Variants in TBC1D31 observed in about 807,000 individuals in gnomAD.
TBC1D31 encodes TBC1 domain family member 31.
In TBC1D31, 99 loss-of-function variants were observed where a neutral mutation model predicts 132.9. The observed-to-expected ratio is 0.74, with a 90% CI of 0.63 to 0.88. TBC1D31 has a LOEUF of 0.88. Ranked by LOEUF, TBC1D31 falls within the 40% of genes least tolerant of loss-of-function variation. The probability of loss-of-function intolerance (pLI) is 0.00; values close to 1 mark genes in which losing one functional copy is unlikely to be tolerated. For synonymous variants in TBC1D31, 385 were observed against 419.4 expected (o/e 0.92, Z 1.00); for missense variants, 1,134 against 1,256.6 (o/e 0.90, Z 1.48).
intron 6 of TBC1D31, among the ~76,000 whole-genome samples, chr8:123,098,622 T>C (rs1182147865): frequency 6.6e-6 from 1 of 152,252 alleles, no homozygotes; most frequent in Non-Finnish European, 1.5e-5. Context: ...TTGTTCTATA[T>C]CAGTGCAGAA....
At chr8:123,146,570 C>T (rs1340387720) in intron 20 of TBC1D31, among the ~76,000 whole-genome samples, 1 of 151,986 alleles carries the variant, frequency 6.6e-6, no homozygotes, top group East Asian at 1.9e-4. Flanking sequence ...ATTCATCAGT[C>T]GATGGACATC....
At chr8:123,124,344 C>A (rs1586682130) in intron 11 of TBC1D31, among the ~76,000 whole-genome samples, 1 of 152,174 alleles carries the variant, frequency 6.6e-6, no homozygotes, top group Non-Finnish European at 1.5e-5. Context: ...TTAACAAAGA[C>A]TCTCCACACA....
chr8:123,156,759 G>A (rs1032240579), downstream of TBC1D31, among the ~76,000 whole-genome samples: 3 of 152,146 alleles, frequency 2.0e-5, no homozygotes, highest in Non-Finnish European at 4.4e-5. Context: ...TAGGTTCAGT[G>A]CCCACCGCTG....
chr8:123,157,305 C>A, the TBC1D31 span, among the ~76,000 whole-genome samples: 1 of 152,148 alleles, frequency 6.6e-6, no homozygotes, highest in African/African-American at 2.4e-5. Context: ...AACGAGGCAC[C>A]TAGTAAGGGT....
At chr8:123,115,933 TTAG>T in intron 10 of TBC1D31, among the ~76,000 whole-genome samples, 1 of 152,164 alleles carries the variant, frequency 6.6e-6, no homozygotes, top group South Asian at 2.1e-4. Flanking sequence ...ATTACAGGGA[TTAG>T]AGCATGGACA....
chr8:123,084,448 C>G (rs1295380409), intron 4 of TBC1D31, 108 bp downstream of exon 4: 4 of 1,106,128 alleles, frequency 3.6e-6, no homozygotes. Context: ...CCTTGTAGCT[C>G]TGTAACTCAG....
intron 19 of TBC1D31, 148 bp from the exon 20 acceptor site, chr8:123,144,569 C>A (rs1475089721): frequency 2.5e-5 from 19 of 759,888 alleles, no homozygotes; most frequent in Non-Finnish European, 3.6e-5. Context: ...AACACAGGCA[C>A]CCCAGTTACC....
chr8:123,089,997 T>C (rs948206067), intron 4 of TBC1D31, among the ~76,000 whole-genome samples: 4 of 152,228 alleles, frequency 2.6e-5, no homozygotes, highest in Non-Finnish European at 5.9e-5. Context: ...CCCCAAGGGT[T>C]TCAGAAAAGG....
rs78477109 is a variant in TBC1D31 at position 123,102,005 on chromosome 8, C to G, written c.1032+998C>G. Among the ~76,000 whole-genome samples the G allele has an allele frequency of 3.7e-3, 569 of 152,286 alleles. 2 individuals are homozygous for G. The highest frequency in any genetic ancestry group is 0.013 in the African/African-American group (551 of 41,564). Reference sequence around the variant, plus strand: ...TCTCTAATCTTGTCTACCTGTCTAACTTATTTCCTCGAACTTATAGCTTCC... The same window carrying G: ...TCTCTAATCTTGTCTACCTGTCTAAGTTATTTCCTCGAACTTATAGCTTCC... On this transcript the variant is annotated intron_variant, in intron 7 of 21. Coordinates refer to ENST00000287380, the MANE Select transcript of TBC1D31 (RefSeq NM_145647.4).
At chr8:123,157,233 C>A in the TBC1D31 span, among the ~76,000 whole-genome samples, 1 of 152,126 alleles carries the variant, frequency 6.6e-6, no homozygotes, top group East Asian at 1.9e-4. Flanking sequence ...ATTATTGTGC[C>A]CCGTGTGAGG....
chr8:123,092,721 C>T (rs1277337594), intron 4 of TBC1D31, among the ~76,000 whole-genome samples: 2 of 151,900 alleles, frequency 1.3e-5, no homozygotes, highest in African/African-American at 4.8e-5. Context: ...GCAATCTTGA[C>T]TTACTGCAAC....
intron 19 of TBC1D31, among the ~76,000 whole-genome samples, chr8:123,144,312 G>C (rs1367868257): frequency 6.6e-6 from 1 of 152,118 alleles, no homozygotes; most frequent in Non-Finnish European, 1.5e-5. Context: ...CCAGAGCTGG[G>C]CAAAGAGTTC....
At chr8:123,156,235 G>A (rs1822982865), downstream of TBC1D31, among the ~76,000 whole-genome samples, 1 of 152,200 alleles carries the variant, frequency 6.6e-6, no homozygotes, top group African/African-American at 2.4e-5. Context: ...GAGGTCAGGA[G>A]TTCGAGACCA....
rs1475292884 is a variant in TBC1D31 at position 123,084,675 on chromosome 8, G to A, written c.519+335G>A. On this transcript the variant is annotated intron_variant, in intron 4 of 21. Transcript: ENST00000287380. Reference sequence around the variant, plus strand: ...GATTTGTGAGAATTTTTGAACACGTGTACATTCAGTATCTAGATTCTACCA... The same window carrying A: ...GATTTGTGAGAATTTTTGAACACGTATACATTCAGTATCTAGATTCTACCA... 2.0e-5 allele frequency among the ~76,000 whole-genome samples: 3 copies of A among 152,034 alleles called. No individual in the cohort carries two copies. The East Asian group carries it at 5.8e-4, about 29-fold the overall frequency.
At chr8:123,141,539 AAAG>A (rs1218364163) in intron 18 of TBC1D31, among the ~76,000 whole-genome samples, 2 of 144,424 alleles carry the variant, frequency 1.4e-5, no homozygotes, top group African/African-American at 5.2e-5. Flanking sequence ...TGAGACTTTC[AAAG>A]AAGAGCTTTC....
At position 123,105,336 on chromosome 8, in the gene TBC1D31, C is replaced by T; in HGVS notation, c.1081C>T (p.Leu361=). The change falls in exon 8 of 22, where the codon CTG becomes TTG. Residue 361 remains leucine (L), a synonymous_variant. Transcript: ENST00000287380. ...KVIEDLPKNK[L]SSSDLKMKVT... ...TATTGAAGATTTGCCCAAGAATAAACTGAGTTCCAGTGATCTTAAGATGAA... is the reference window on the plus strand; with the variant it reads ...TATTGAAGATTTGCCCAAGAATAAATTGAGTTCCAGTGATCTTAAGATGAA... The T allele has an allele frequency of 6.2e-7, 1 of 1,602,970 alleles. No individual in the cohort carries two copies. Among genetic ancestry groups the T allele is most frequent in the South Asian group, 1.1e-5 (1 of 88,894 alleles).
chr8:123,133,484 G>A (rs191263931), intron 16 of TBC1D31, among the ~76,000 whole-genome samples: 1 of 152,254 alleles, frequency 6.6e-6, no homozygotes, highest in East Asian at 1.9e-4. Flanking sequence ...GTATTCGATA[G>A]CATGTCTTTT....
downstream of TBC1D31, among the ~76,000 whole-genome samples, chr8:123,154,094 A>G (rs538710729): frequency 3.0e-4 from 45 of 152,364 alleles, 1 homozygote; most frequent in Non-Finnish European, 4.9e-4. Flanking sequence ...GTCTTTCCAC[A>G]GTCATTGCAT....
chr8:123,126,108 T>C lies in TBC1D31; in HGVS notation c.1623T>C (p.Ile541=), dbSNP rs1338984447. The C allele has an allele frequency of 1.2e-6, 2 of 1,611,986 alleles. No homozygotes were observed. Among genetic ancestry groups the C allele is most frequent in the Non-Finnish European group, 1.7e-6 (2 of 1,179,022 alleles). ...FEYFPNPPIN[I]LSMIENVLAF... is the part of the protein sequence containing the mutation. The stretch of plus-strand genomic sequence containing the variant: ...ATTTTCCTAATCCTCCTATCAATAT[T>C]CTTAGCATGATAGAAAATGTTTTGG... The change falls in exon 12 of 22, where the codon ATT becomes ATC. Residue 541 remains isoleucine, a synonymous_variant. Coordinates refer to ENST00000287380, the MANE Select transcript of TBC1D31 (RefSeq NM_145647.4).
Sources: allele counts gnomAD v4.1 joint callset (sites outside exome capture counted in the v4.1 genomes callset), GRCh38; gene constraint gnomAD v4.1.1; transcripts MANE v1.5; gene names NCBI Gene and HGNC (gene_info 2026-07-23, HGNC 2026-07-21).